Variants in FHOD3 observed in about 807,000 individuals in gnomAD.
The protein encoded by FHOD3 is FH1/FH2 domain-containing protein 3.
Under a neutral mutation model 173.0 loss-of-function variants are expected in FHOD3, and 90 were observed. The observed-to-expected ratio is 0.52, with a 90% CI of 0.44 to 0.62. The LOEUF is 0.62. Among genes scored for constraint, FHOD3 ranks in the 20% least tolerant of loss-of-function variants. The pLI is 0.00. For missense variants in FHOD3, 1,945 were observed against 2,034.7 expected, an observed-to-expected ratio of 0.96 and a Z score of 0.85; for synonymous variants, 828 against 823.0, an observed-to-expected ratio of 1.01 and a Z score of -0.10.
intron 17 of FHOD3, among the ~76,000 whole-genome samples, chr18:36,704,907 C>T (rs1210208582): frequency 2.0e-5 from 3 of 152,208 alleles, no homozygotes; most frequent in African/African-American, 7.2e-5. Flanking sequence ...CAGTCCCTTA[C>T]CCATGTGTTC....
intron 3 of FHOD3, among the ~76,000 whole-genome samples, chr18:36,393,659 T>C (rs2048411925): frequency 6.6e-6 from 1 of 152,072 alleles, no homozygotes; most frequent in South Asian, 2.1e-4. Flanking sequence ...AGGAAACCAT[T>C]CTCCTGGAGT....
At chr18:36,475,982 A>G (rs2053554442) in intron 3 of FHOD3, among the ~76,000 whole-genome samples, 1 of 152,314 alleles carries the variant, frequency 6.6e-6, no homozygotes, top group African/African-American at 2.4e-5. Context: ...GTATTTTAGG[A>G]AAAATATGAC....
intron 3 of FHOD3, among the ~76,000 whole-genome samples, chr18:36,417,193 A>AT: frequency 6.6e-6 from 1 of 151,978 alleles, no homozygotes. Flanking sequence ...TCCATTAGTT[A>AT]TTTTTCTTGA....
At chr18:36,463,314 T>A (rs2052673957) in intron 3 of FHOD3, among the ~76,000 whole-genome samples, 1 of 1,460 alleles carries the variant, frequency 6.8e-4, no homozygotes, top group Admixed American at 0.011. Flanking sequence ...AATATATATA[T>A]GTAATATATA....
Position 36,652,577 on chromosome 18 carries a change from G to C in FHOD3, c.1294G>C (p.Gly432Arg). The C allele has an allele frequency of 3.3e-6, 5 of 1,526,140 alleles. No homozygotes were observed. Among genetic ancestry groups the C allele is most frequent in the Non-Finnish European group, 3.5e-6 (4 of 1,140,230 alleles). The allele number at this position is 1,526,140 out of a possible 1,614,324, so 94.5% of individuals were successfully genotyped here. Residue 432 changes from glycine (G) to arginine (R), a missense_variant, in exon 12 of 29, where the codon GGC (glycine) becomes CGC (arginine). Gly to Arg is a moderately radical substitution (Grantham distance 125). Around this residue, in one of 5 missense-constraint regions of FHOD3, gnomAD observed 1,099 missense variants for 1,051.2 expected, o/e 1.05. Transcript: ENST00000590592. ...TCCCTGCTGGCCCAACAGCAAGGTCGGCGCTGCCTCAGGGCAGAGCCCCAC... is the reference window on the plus strand; with the variant it reads ...TCCCTGCTGGCCCAACAGCAAGGTCCGCGCTGCCTCAGGGCAGAGCCCCAC... ...ASCQGKDSKV[G>R]AASGQSPTGR...
chr18:36,385,746 G>T (rs1009564727), intron 3 of FHOD3, among the ~76,000 whole-genome samples: 4 of 152,154 alleles, frequency 2.6e-5, no homozygotes, highest in African/African-American at 9.7e-5. Flanking sequence ...TGCAGTTTTG[G>T]CAAGCACTGA....
chr18:36,441,504 C>T (rs2051148283), intron 3 of FHOD3, among the ~76,000 whole-genome samples: 1 of 152,154 alleles, frequency 6.6e-6, no homozygotes, highest in African/African-American at 2.4e-5. Context: ...CAGAAGGCTT[C>T]AGGAGGTTTT....
At chr18:36,298,408 G>A (rs1052077171) in intron 1 of FHOD3, among the ~76,000 whole-genome samples, 3 of 152,178 alleles carry the variant, frequency 2.0e-5, no homozygotes, top group Non-Finnish European at 2.9e-5. Flanking sequence ...CGAGACTCAG[G>A]TCCCTTGGAG....
chr18:36,755,974 C>T (rs1275187289), intron 25 of FHOD3, among the ~76,000 whole-genome samples: 1 of 152,166 alleles, frequency 6.6e-6, no homozygotes, highest in Non-Finnish European at 1.5e-5. Flanking sequence ...CCCATCTCTC[C>T]TGTCTCAGCC....
chr18:36,303,527 C>A (rs938986809), intron 1 of FHOD3, among the ~76,000 whole-genome samples: 4 of 152,152 alleles, frequency 2.6e-5, no homozygotes, highest in African/African-American at 9.7e-5. Flanking sequence ...ACTGCCATTG[C>A]CCTCCCACTC....
At chr18:36,342,262 CAG>C (rs1167465482) in intron 1 of FHOD3, among the ~76,000 whole-genome samples, 3 of 151,822 alleles carry the variant, frequency 2.0e-5, no homozygotes, top group African/African-American at 7.3e-5. Flanking sequence ...ATTAAAATAA[CAG>C]AATGGGAAAA....
In FHOD3 at chr18:36,581,850, T is replaced by C. The variant is rs557905845; in HGVS notation, c.606+5305T>C. On this transcript the variant is annotated intron_variant, in intron 6 of 28. Transcript: ENST00000590592. ...AAAATAAGTAACGTGGTGTGTAGAA[T>C]GGAGTGGTGGAGGAGGGGAAATTGA... Among the ~76,000 whole-genome samples the C allele has an allele frequency of 1.1e-4, 16 of 151,482 alleles. No individual in the cohort carries two copies. The East Asian group carries it at 3.1e-3, about 30-fold the overall frequency.
chr18:36,764,353 T>C (rs1390694443), intron 27 of FHOD3, among the ~76,000 whole-genome samples: 1 of 152,184 alleles, frequency 6.6e-6, no homozygotes, highest in African/African-American at 2.4e-5. Flanking sequence ...GTATCACTTT[T>C]ACCTTGTGGC....
At chr18:36,734,615 G>A (rs1365220523) in intron 20 of FHOD3, among the ~76,000 whole-genome samples, 2 of 152,098 alleles carry the variant, frequency 1.3e-5, no homozygotes, top group African/African-American at 4.8e-5. Context: ...TGATCTCAGG[G>A]ACCTGAGAGG....
intron 1 of FHOD3, among the ~76,000 whole-genome samples, chr18:36,327,933 T>G (rs1259796380): frequency 6.6e-6 from 1 of 152,182 alleles, no homozygotes; most frequent in Admixed American, 6.5e-5. Context: ...ATTTATAGAA[T>G]TAGGCTATGG....
chr18:36,766,963 G>A (rs963609147), intron 27 of FHOD3, among the ~76,000 whole-genome samples: 6 of 152,064 alleles, frequency 3.9e-5, no homozygotes, highest in Non-Finnish European at 5.9e-5. Context: ...AGGAAATTGC[G>A]GGGTAAAACA....
At chr18:36,497,193 G>A (rs949428145) in intron 3 of FHOD3, among the ~76,000 whole-genome samples, 6 of 152,150 alleles carry the variant, frequency 3.9e-5, no homozygotes, top group African/African-American at 1.2e-4. Flanking sequence ...GAAAATTAAA[G>A]ATAGTTGGAA....
At chr18:36,344,864 C>G (rs1384652362) in intron 1 of FHOD3, among the ~76,000 whole-genome samples, 1 of 151,950 alleles carries the variant, frequency 6.6e-6, no homozygotes, top group Non-Finnish European at 1.5e-5. Flanking sequence ...CAACACTAAC[C>G]AAAAGAAAGT....
chr18:36,667,748 A>T (rs1321377787), intron 14 of FHOD3, among the ~76,000 whole-genome samples: 21 of 152,172 alleles, frequency 1.4e-4, no homozygotes, highest in Admixed American at 1.4e-3. Flanking sequence ...ATCACTGTAG[A>T]CTTTATAAAC....
Sources: gnomAD v4.1 joint callset for allele counts (sites outside exome capture counted in the v4.1 genomes callset) on GRCh38, gnomAD v4.1.1 for gene constraint, gnomAD v4.1.1 regional missense constraint, MANE v1.5 for transcripts, NCBI Gene and HGNC (gene_info 2026-07-23, HGNC 2026-07-21) for gene names.